The following GRM7 variants were observed in gnomAD, a reference collection of about 807,000 sequenced individuals.
GRM7 encodes the protein metabotropic glutamate receptor 7.
Under a neutral mutation model 84.5 loss-of-function variants are expected in GRM7, and 35 were observed. The ratio of observed to expected loss-of-function variants is 0.41; its 90% CI spans 0.32 to 0.55. GRM7 has a LOEUF of 0.55. Ranked by LOEUF, GRM7 falls within the 20% of genes least tolerant of loss-of-function variation. The probability of loss-of-function intolerance (pLI) is 0.19; values close to 1 mark genes in which losing one functional copy is unlikely to be tolerated. For missense variants in GRM7, 1,003 were observed against 1,194.6 expected, an observed-to-expected ratio of 0.84 and a Z score of 2.36; for synonymous variants, 487 against 455.1, an observed-to-expected ratio of 1.07 and a Z score of -0.89.
intron 7 of GRM7, among the ~76,000 whole-genome samples, chr3:7,500,449 G>A (rs1119613): frequency 0.71 from 107,939 of 152,154 alleles, 38,975 homozygotes; most frequent in African/African-American, 0.82. Context: ...CTTCTGCCAG[G>A]GGGCCAGTTT....
chr3:7,465,686 C>A (rs576515179), intron 7 of GRM7, among the ~76,000 whole-genome samples: 3 of 152,096 alleles, frequency 2.0e-5, no homozygotes, highest in African/African-American at 7.2e-5. Context: ...TGTCTCCTCA[C>A]AAAGATTCAT....
At chr3:7,199,725 T>A (rs1204690437) in intron 2 of GRM7, among the ~76,000 whole-genome samples, 1 of 152,130 alleles carries the variant, frequency 6.6e-6, no homozygotes, top group Non-Finnish European at 1.5e-5. Flanking sequence ...ATATTAATAG[T>A]CCCAAGGTTG....
At position 7,066,174 on chromosome 3, in the gene GRM7, C is replaced by T. The variant is rs139624533; in HGVS notation, c.520-80278C>T. 6.1e-3 allele frequency among the ~76,000 whole-genome samples: 928 copies of T among 151,720 alleles called. 5 individuals carry two copies. Among genetic ancestry groups the T allele is most frequent in the Middle Eastern group, 0.01 (3 of 294 alleles). On this transcript the variant is annotated intron_variant, in intron 1 of 9. Coordinates refer to ENST00000357716, the MANE Select transcript of GRM7 (RefSeq NM_000844.4). ...CCCAGCAGAAGAAAGGAAATAAGATCAGAGCAGAACTAAATGAAATGGAAA... is the reference window on the plus strand; with the variant it reads ...CCCAGCAGAAGAAAGGAAATAAGATTAGAGCAGAACTAAATGAAATGGAAA...
chr3:6,882,042 T>C (rs12489963), intron 1 of GRM7, among the ~76,000 whole-genome samples: 2 of 152,102 alleles, frequency 1.3e-5, no homozygotes, highest in Non-Finnish European at 2.9e-5. Flanking sequence ...CTGGTTGCAG[T>C]TGATTACTGT....
At chr3:7,154,786 A>G (rs993225684) in intron 2 of GRM7, among the ~76,000 whole-genome samples, 1 of 152,124 alleles carries the variant, frequency 6.6e-6, no homozygotes, top group Admixed American at 6.6e-5. Flanking sequence ...TAATATCATT[A>G]TAATCAATAA....
At chr3:7,298,963 T>C (rs1699906557) in intron 3 of GRM7, 138 bp downstream of exon 3, 1 of 730,084 alleles carries the variant, frequency 1.4e-6, no homozygotes, top group Non-Finnish European at 2.3e-6. Flanking sequence ...TGTGCTTGCC[T>C]CTACCCAACA....
intron 2 of GRM7, among the ~76,000 whole-genome samples, chr3:7,233,865 A>T (rs934110823): frequency 6.6e-6 from 1 of 152,062 alleles, no homozygotes; most frequent in African/African-American, 2.4e-5. Context: ...TTGCTTTAAG[A>T]CCTCTAATCT....
In GRM7 at chr3:7,419,691, A is replaced by G. The variant is rs114622713; in HGVS notation, c.1174+4528A>G. 8.0e-3 allele frequency among the ~76,000 whole-genome samples: 1,225 copies of G among 152,288 alleles called. 16 individuals carry two copies. Among genetic ancestry groups the G allele is most frequent in the African/African-American group, 0.026 (1,095 of 41,572 alleles). On this transcript the variant is annotated intron_variant, in intron 5 of 9. Coordinates refer to ENST00000357716, the MANE Select transcript of GRM7 (RefSeq NM_000844.4). ...TTTGTCTAACTAATATCACTGTTCTATGAAATACCACTTGGTGAATACTGA... is the reference window on the plus strand; with the variant it reads ...TTTGTCTAACTAATATCACTGTTCTGTGAAATACCACTTGGTGAATACTGA...
At chr3:7,321,240 T>C (rs762373480) in intron 4 of GRM7, among the ~76,000 whole-genome samples, 3 of 152,070 alleles carry the variant, frequency 2.0e-5, no homozygotes, top group Non-Finnish European at 4.4e-5. Context: ...AATATACAGT[T>C]CATAAGGTTC....
At chr3:7,220,507 T>A (rs9859960) in intron 2 of GRM7, among the ~76,000 whole-genome samples, 14 of 152,054 alleles carry the variant, frequency 9.2e-5, no homozygotes, top group African/African-American at 3.1e-4. Context: ...ACAAGGAAAG[T>A]TGGAAAAACT....
At chr3:7,123,423 A>G (rs1366177735) in intron 1 of GRM7, among the ~76,000 whole-genome samples, 1 of 152,130 alleles carries the variant, frequency 6.6e-6, no homozygotes, top group African/African-American at 2.4e-5. Flanking sequence ...GTTCAAAACC[A>G]ACCTGGCCAA....
At chr3:7,573,665 G>T (rs1694817279) in intron 7 of GRM7, among the ~76,000 whole-genome samples, 1 of 152,128 alleles carries the variant, frequency 6.6e-6, no homozygotes, top group South Asian at 2.1e-4. Context: ...CCCCCAACAT[G>T]TGTGCTAGAA....
intron 4 of GRM7, among the ~76,000 whole-genome samples, chr3:7,397,688 G>A (rs922460913): frequency 2.6e-5 from 4 of 152,030 alleles, no homozygotes; most frequent in African/African-American, 9.7e-5. Context: ...CAACTATTAT[G>A]TACTCATAAT....
chr3:7,330,569 C>G (rs929483944), intron 4 of GRM7, among the ~76,000 whole-genome samples: 1 of 152,078 alleles, frequency 6.6e-6, no homozygotes, highest in Non-Finnish European at 1.5e-5. Flanking sequence ...TTGGATCCCC[C>G]ATACTGTTCT....
intron 1 of GRM7, among the ~76,000 whole-genome samples, chr3:7,068,599 T>C (rs1005714095): frequency 1.3e-5 from 2 of 152,054 alleles, no homozygotes; most frequent in Non-Finnish European, 2.9e-5. Context: ...TTTTGGCTTG[T>C]TTGTTAAACT....
At chr3:7,602,382 C>T (rs1002291619) in intron 8 of GRM7, among the ~76,000 whole-genome samples, 1 of 152,116 alleles carries the variant, frequency 6.6e-6, no homozygotes, top group Non-Finnish European at 1.5e-5. Context: ...TCTGTTTTCT[C>T]ATGTTTTGTT....
chr3:7,664,139 G>T (rs373721849), intron 8 of GRM7, among the ~76,000 whole-genome samples: 1 of 152,112 alleles, frequency 6.6e-6, no homozygotes, highest in Non-Finnish European at 1.5e-5. Flanking sequence ...ATTTCTTTAA[G>T]GTTACAGCCA....
intron 8 of GRM7, among the ~76,000 whole-genome samples, chr3:7,651,791 C>T (rs1698951942): frequency 6.6e-6 from 1 of 152,164 alleles, no homozygotes; most frequent in South Asian, 2.1e-4. Context: ...CAGGAGGAAG[C>T]TTAATGGATG....
chr3:7,733,386 G>A (rs1198047376), intron 9 of GRM7, among the ~76,000 whole-genome samples: 1 of 152,166 alleles, frequency 6.6e-6, no homozygotes, highest in African/African-American at 2.4e-5. Context: ...CACCACACAG[G>A]AGCCAAAGAT....
Sources: gnomAD v4.1 joint callset for allele counts (sites outside exome capture counted in the v4.1 genomes callset) on GRCh38, gnomAD v4.1.1 for gene constraint, MANE v1.5 for transcripts, NCBI Gene and HGNC (gene_info 2026-07-23, HGNC 2026-07-21) for gene names.